PIK3C2G: variants seen among roughly 807,000 people sequenced by gnomAD.
The protein encoded by PIK3C2G is phosphatidylinositol 3-kinase C2 domain-containing subunit gamma.
In PIK3C2G, 168 loss-of-function variants were observed where a neutral mutation model predicts 181.1. That is an observed-to-expected ratio of 0.93 (90% CI 0.82 to 1.05). The LOEUF (loss-of-function observed/expected upper bound fraction) is 1.05, where lower values mean the gene tolerates loss of function less well. PIK3C2G is among the 50% of genes least tolerant of loss of function. The pLI is 0.00. For missense variants in PIK3C2G, 1,869 were observed against 1,732.8 expected (o/e 1.08, Z -1.40); for synonymous variants, 573 against 592.2 (o/e 0.97, Z 0.47).
chr12:18,388,127 T>TC (rs1943295652), intron 14 of PIK3C2G, among the ~76,000 whole-genome samples: 1 of 152,066 alleles, frequency 6.6e-6, no homozygotes, highest in African/African-American at 2.4e-5. Context: ...CTTTTTTTTT[T>TC]CTCACTCCAA....
At chr12:18,429,282 T>C (rs1360142275) in intron 18 of PIK3C2G, among the ~76,000 whole-genome samples, 1 of 152,142 alleles carries the variant, frequency 6.6e-6, no homozygotes, top group African/African-American at 2.4e-5. Flanking sequence ...CCCCGGAGCC[T>C]TGGGAGAGAG....
intron 30 of PIK3C2G, 44 bp from the exon 31 acceptor site, chr12:18,609,491 A>G: frequency 1.8e-6 from 2 of 1,122,290 alleles, no homozygotes. Flanking sequence ...TCCTGTGCTG[A>G]GCTTTTTCCA....
intron 2 of PIK3C2G, among the ~76,000 whole-genome samples, chr12:18,283,185 A>G (rs1442276709): frequency 6.6e-6 from 1 of 152,126 alleles, no homozygotes; most frequent in Non-Finnish European, 1.5e-5. Flanking sequence ...TATTGGTAGG[A>G]AAAAATGCCC....
At chr12:18,695,047 TG>T in the PIK3C2G span, 1 of 1,613,148 alleles carries the variant, frequency 6.2e-7, no homozygotes. Flanking sequence ...TGCAGATCCA[TG>T]GGCAGACCAG....
intron 31 of PIK3C2G, among the ~76,000 whole-genome samples, chr12:18,627,669 G>T (rs770153297): frequency 6.6e-6 from 1 of 152,074 alleles, no homozygotes; most frequent in Non-Finnish European, 1.5e-5. Context: ...AAATCATATC[G>T]CAAGTGCTTT....
At chr12:18,532,240 G>A (rs189453978) in intron 24 of PIK3C2G, among the ~76,000 whole-genome samples, 121 of 152,112 alleles carry the variant, frequency 8.0e-4, no homozygotes, top group African/African-American at 2.8e-3. Flanking sequence ...TGATTTTTAT[G>A]GTTAAATTTT....
chr12:18,633,784 T>A (rs957050471), intron 31 of PIK3C2G, among the ~76,000 whole-genome samples: 2 of 152,178 alleles, frequency 1.3e-5, no homozygotes, highest in Non-Finnish European at 2.9e-5. Flanking sequence ...AGTCTTAACA[T>A]TCAATTCAAT....
At chr12:18,552,755 G>A (rs1944800737) in intron 26 of PIK3C2G, among the ~76,000 whole-genome samples, 1 of 152,050 alleles carries the variant, frequency 6.6e-6, no homozygotes, top group Non-Finnish European at 1.5e-5. Context: ...GCACGGCCCA[G>A]TCACATTCAT....
At chr12:18,555,722 T>C (rs1944974161) in intron 26 of PIK3C2G, among the ~76,000 whole-genome samples, 1 of 152,138 alleles carries the variant, frequency 6.6e-6, no homozygotes, top group Admixed American at 6.6e-5. Context: ...AGGTTCATTG[T>C]CTTAGTACCT....
At chr12:18,297,586 G>A (rs946887486) in intron 5 of PIK3C2G, among the ~76,000 whole-genome samples, 2 of 151,716 alleles carry the variant, frequency 1.3e-5, no homozygotes, top group African/African-American at 4.8e-5. Flanking sequence ...ATAAATTGTT[G>A]TTAACTGTAG....
chr12:18,485,622 T>TC (rs1939950730), intron 18 of PIK3C2G, among the ~76,000 whole-genome samples: 1 of 152,150 alleles, frequency 6.6e-6, no homozygotes, highest in Non-Finnish European at 1.5e-5. Context: ...CCAAATTGAA[T>TC]CACAGCTGGA....
At chr12:18,586,314 G>C (rs12581094) in intron 29 of PIK3C2G, among the ~76,000 whole-genome samples, 24,360 of 152,040 alleles carry the variant, frequency 0.16, 2,192 homozygotes, top group South Asian at 0.22. Context: ...TAGTAAGATA[G>C]ATAGGCCATT....
At chr12:18,246,605 G>T (rs1232602206), upstream of PIK3C2G, among the ~76,000 whole-genome samples, 1 of 152,114 alleles carries the variant, frequency 6.6e-6, no homozygotes, top group African/African-American at 2.4e-5. Flanking sequence ...CAGCTGTAAA[G>T]AAGATGTATT....
intron 12 of PIK3C2G, among the ~76,000 whole-genome samples, chr12:18,367,842 C>G (rs1941751411): frequency 6.6e-6 from 1 of 152,116 alleles, no homozygotes; most frequent in Admixed American, 6.5e-5. Flanking sequence ...GCATGAGCCA[C>G]CACCCCTGGC....
At chr12:18,646,448 C>T (rs520242) in intron 32 of PIK3C2G, among the ~76,000 whole-genome samples, 18,332 of 152,068 alleles carry the variant, frequency 0.12, 1,432 homozygotes, top group African/African-American at 0.21. Flanking sequence ...TTGATTGAAC[C>T]TATTTACTTG....
At chr12:18,626,414 G>A (rs1036560455) in intron 31 of PIK3C2G, among the ~76,000 whole-genome samples, 1 of 151,606 alleles carries the variant, frequency 6.6e-6, no homozygotes, top group Non-Finnish European at 1.5e-5. Context: ...TAATAATTTT[G>A]TCTTTGTGCC....
intron 26 of PIK3C2G, among the ~76,000 whole-genome samples, chr12:18,561,329 T>G (rs1476118161): frequency 6.6e-6 from 1 of 152,288 alleles, no homozygotes; most frequent in East Asian, 1.9e-4. Context: ...TGGAGGTGGG[T>G]TTAGACAGGC....
chr12:18,295,062 C>A, intron 5 of PIK3C2G, among the ~76,000 whole-genome samples: 1 of 149,526 alleles, frequency 6.7e-6, no homozygotes, highest in East Asian at 1.9e-4. Flanking sequence ...ATTTTAATAA[C>A]AAAATATATT....
rs962277757 is a variant in PIK3C2G at position 18,487,359 on chromosome 12, A to G, written c.2505-1090A>G. ...ATTTGTTTGTTAGAGTATCTCTAAC[A>G]TAATACACATTGGACAGAGATGCAA... is the stretch of plus-strand genomic sequence containing the variant. On this transcript the variant is annotated intron_variant, in intron 18 of 32. Transcript: ENST00000538779. Among the ~76,000 whole-genome samples the G allele has an allele frequency of 2.6e-5, 4 of 152,282 alleles. No homozygotes were observed. In the East Asian group the frequency reaches 7.7e-4, roughly 29 times the overall value.
Sources: allele counts gnomAD v4.1 joint callset (sites outside exome capture counted in the v4.1 genomes callset), GRCh38; gene constraint gnomAD v4.1.1; transcripts MANE v1.5; gene names NCBI Gene and HGNC (gene_info 2026-07-23, HGNC 2026-07-21).